The following BRAT1 variants were observed in gnomAD, a reference collection of about 807,000 sequenced individuals.
BRAT1 encodes BRCA1 associated ATM activator 1.
Under a neutral mutation model 70.6 loss-of-function variants are expected in BRAT1, and 74 were observed. The ratio of observed to expected loss-of-function variants is 1.05; its 90% confidence interval spans 0.87 to 1.27. The LOEUF is 1.27. BRAT1 is among the 50% of genes most tolerant of loss of function. The pLI is 0.00. For missense variants in BRAT1, 1,203 were observed against 1,098.2 expected (o/e 1.10, Z -1.35); for synonymous variants, 615 against 517.1 (o/e 1.19, Z -2.57).
intron 2 of BRAT1, 116 bp from the exon 3 acceptor site, chr7:2,547,594 G>C (rs1357006506): frequency 8.8e-7 from 1 of 1,139,818 alleles, no homozygotes; most frequent in African/African-American, 1.6e-5. Flanking sequence ...GTTAGATTTA[G>C]GGATCCAACT....
rs1400083579 is a variant in BRAT1, at chr7:2,540,795, C to A, written c.1395+184G>T. 15 of 560,904 alleles carry A rather than the reference C, an allele frequency of 2.7e-5. No homozygotes were observed. In the Admixed American group the frequency reaches 6.3e-4, roughly 23 times the overall value. 34.7% of individuals were successfully genotyped at this position (560,904 alleles called of 1,614,324 possible). A position where few individuals can be genotyped will look rare whatever the true frequency, so the allele number is the denominator to read the frequency against. On this transcript the variant is annotated intron_variant, in intron 10 of 13. Coordinates refer to ENST00000340611, the MANE Select transcript of BRAT1 (RefSeq NM_152743.4). ...CCCCTGCGTGCTGATGTATCTTCAC[C>A]AACAAGAGGCCCTGGGCCCGCCCCA... is the stretch of plus-strand genomic sequence containing the variant.
chr7:2,539,920 G>C lies in BRAT1; in HGVS notation c.1396-32C>G, dbSNP rs565153096. ...CAGATAGGGTGGGCTGCAGGGCCAC[G>C]GGAGACGGAGGGGCAGGCTGTCTGT... On this transcript the variant is annotated intron_variant, in intron 10 of 13. Transcript: ENST00000340611. The C allele has an allele frequency of 9.2e-6, 13 of 1,411,434 alleles. No individual in the cohort carries two copies. In the East Asian group the frequency reaches 3.0e-4, roughly 33 times the overall value. The allele number at this position is 1,411,434 out of a possible 1,614,324, so 87.4% of individuals were successfully genotyped here. A position where few individuals can be genotyped will look rare whatever the true frequency, so the allele number is the denominator to read the frequency against.
chr7:2,545,283 G>C (rs574708924), intron 3 of BRAT1, among the ~76,000 whole-genome samples: 57 of 144,078 alleles, frequency 4.0e-4, no homozygotes, highest in African/African-American at 1.4e-3. Flanking sequence ...AGAATTGCTT[G>C]AACCCGGGAG....
At position 2,539,171 on chromosome 7, in the gene BRAT1, C is replaced by A; in HGVS notation, c.1770+8G>T. ...GAGTTGCTGGCTGAGGAACCTGCCA[C>A]CTCCTACCTGCCGGGCCTCTGCATG... On this transcript the variant is annotated splice_region_variant and intron_variant, in intron 13 of 13. Coordinates refer to ENST00000340611, the MANE Select transcript of BRAT1 (RefSeq NM_152743.4). The A allele has an allele frequency of 6.3e-7, 1 of 1,589,818 alleles. No homozygotes were observed.
In BRAT1 at chr7:2,541,356, G is replaced by T; in HGVS notation, c.1263C>A (p.Gly421=). The change falls in exon 9 of 14, where the codon GGC becomes GGA. Residue 421 remains glycine (G), a synonymous_variant. Transcript: ENST00000340611. ...GGGCTGCTCGCTGGACCCGGACGCA[G>T]CCCGCCAGGGTCCCACAGAGGTGGC... The part of the protein sequence containing the change: ...VGGHLCGTLA[G]CVRVQRAALD... The T allele has an allele frequency of 1.2e-6, 2 of 1,606,182 alleles. No homozygotes were observed. The highest frequency in any genetic ancestry group is 1.7e-4 in the Middle Eastern group (1 of 6,050).
intron 2 of BRAT1, among the ~76,000 whole-genome samples, chr7:2,548,561 G>A (rs779934979): frequency 2.4e-4 from 36 of 152,040 alleles, no homozygotes; most frequent in Non-Finnish European, 4.0e-4. Flanking sequence ...AGCTACTCAG[G>A]AGGCTGAGAC....
chr7:2,552,200 C>T (rs200322106), intron 2 of BRAT1, among the ~76,000 whole-genome samples: 1 of 140,412 alleles, frequency 7.1e-6, no homozygotes, highest in South Asian at 2.3e-4. Context: ...TCACTGCAAC[C>T]TCTGCCTCCC....
chr7:2,554,572 G>A (rs959139406), intron 1 of BRAT1, 125 bp from the exon 2 acceptor site: 29 of 1,175,776 alleles, frequency 2.5e-5, no homozygotes, highest in Non-Finnish European at 3.2e-5. Flanking sequence ...CTCAGACCAG[G>A]AGAACCATGA....
intron 9 of BRAT1, 31 bp downstream of exon 9, chr7:2,541,267 C>A (rs200112406): frequency 6.5e-7 from 1 of 1,538,778 alleles, no homozygotes; most frequent in Non-Finnish European, 8.7e-7. Flanking sequence ...CAGGGATAGC[C>A]CCACGCCAAA....
chr7:2,546,602 G>A (rs1779625031), intron 3 of BRAT1, among the ~76,000 whole-genome samples: 1 of 152,016 alleles, frequency 6.6e-6, no homozygotes, highest in Admixed American at 6.6e-5. Context: ...GGGCGTGGTG[G>A]CAGGTGCCTG....
chr7:2,549,919 T>C (rs1480495615), intron 2 of BRAT1, among the ~76,000 whole-genome samples: 2 of 152,138 alleles, frequency 1.3e-5, no homozygotes, highest in East Asian at 1.9e-4. Flanking sequence ...AGACACAACA[T>C]TCCTACATCT....
In BRAT1 at chr7:2,539,869, TG is replaced by T; in HGVS notation, c.1414del (p.Gln472ArgfsTer8). 1 of 1,580,298 alleles carries T rather than the reference TG, an allele frequency of 6.3e-7. No individual in the cohort carries two copies. The highest frequency in any genetic ancestry group is 8.6e-7 in the Non-Finnish European group (1 of 1,165,790). The stretch of plus-strand genomic sequence containing the variant: ...GCTCAGGAGCCACCTGAGCGTGGCC[TG>T]GAAGGCCTTCTTCAGAACCTGGAGC... ...SSPTVLKKAFQATLRWLLSSP... is the reference protein window; with the variant it reads ...SSPTVLKKAFXATLRWLLSSP... On this transcript the variant is annotated frameshift_variant, in exon 11 of 14. Coordinates refer to ENST00000340611, the MANE Select transcript of BRAT1 (RefSeq NM_152743.4). LOFTEE classifies it high-confidence loss of function.
At position 2,542,409 on chromosome 7, in the gene BRAT1, C is replaced by A. The variant is rs930589620; in HGVS notation, c.924-198G>T. The A allele has an allele frequency of 1.2e-5, 7 of 602,074 alleles. No individual in the cohort carries two copies. In the South Asian group the frequency reaches 1.4e-4, roughly 12 times the overall value. 37.3% of individuals were successfully genotyped at this position (602,074 alleles called of 1,614,324 possible). A position where few individuals can be genotyped will look rare whatever the true frequency, so the allele number is the denominator to read the frequency against. On this transcript the variant is annotated intron_variant, in intron 6 of 13. Transcript: ENST00000340611. The stretch of plus-strand genomic sequence containing the variant: ...GGACAGGCCTGACCAAGGAGATGGG[C>A]CTGACACTCCTGATGTCCTTAGGAG...
At chr7:2,545,633 G>A (rs946876424) in intron 3 of BRAT1, among the ~76,000 whole-genome samples, 2 of 151,764 alleles carry the variant, frequency 1.3e-5, no homozygotes, top group Non-Finnish European at 2.9e-5. Context: ...GGCATTACAG[G>A]TGCCCACCAC....
Position 2,541,030 on chromosome 7 carries a change from CT to C in BRAT1, c.1343del (p.Gln448ArgfsTer20), listed in dbSNP as rs1163145193. On this transcript the variant is annotated frameshift_variant, in exon 10 of 14. Coordinates refer to ENST00000340611, the MANE Select transcript of BRAT1 (RefSeq NM_152743.4). LOFTEE classifies it high-confidence loss of function. Reference sequence around the variant, plus strand: ...GGCACTCCAGGAGGACAGCAAGCGCCTGCGTCACCAGCTCCTGGGGGCCTGA... The same window carrying C: ...GGCACTCCAGGAGGACAGCAAGCGCCGCGTCACCAGCTCCTGGGGGCCTGA... ...QGTGPQELVTQALAVLLECLE... is the reference protein window; with the variant it reads ...QGTGPQELVTXALAVLLECLE... The C allele has an allele frequency of 6.4e-7, 1 of 1,572,810 alleles. No individual in the cohort carries two copies. Among genetic ancestry groups the C allele is most frequent in the African/African-American group, 1.4e-5 (1 of 72,050 alleles).
intron 2 of BRAT1, among the ~76,000 whole-genome samples, chr7:2,548,342 G>A (rs909651957): frequency 6.6e-6 from 1 of 152,086 alleles, no homozygotes; most frequent in Non-Finnish European, 1.5e-5. Context: ...TCAGTAAGGA[G>A]AGTGAGGAGC....
rs1371555110 is a variant in BRAT1, at chr7:2,553,339, T to C, written c.127+966A>G. ...AGTCACCGCGCCTGACCTATGACAC[T>C]ACTTAAAATGATGAAAAATGAGAAA... is the stretch of plus-strand genomic sequence containing the variant. On this transcript the variant is annotated intron_variant, in intron 2 of 13. Coordinates refer to ENST00000340611, the MANE Select transcript of BRAT1 (RefSeq NM_152743.4). 2.6e-5 allele frequency among the ~76,000 whole-genome samples: 4 copies of C among 152,176 alleles called. No homozygotes were observed. The East Asian group carries it at 7.7e-4, about 29-fold the overall frequency.
At chr7:2,539,422 T>A (rs1051184888) in intron 12 of BRAT1, 71 bp from the exon 13 acceptor site, 6 of 1,534,158 alleles carry the variant, frequency 3.9e-6, no homozygotes, top group Admixed American at 3.9e-5. Context: ...TCTGCCTCCA[T>A]CCCCTTGTGG....
rs1778819980 is a variant in BRAT1 at position 2,538,103 on chromosome 7, C to G, written c.2432G>C (p.Gly811Ala). Residue 811 changes from glycine to alanine, a missense_variant, in exon 14 of 14, where the codon GGC becomes GCC. Gly to Ala is a moderately conservative substitution (Grantham distance 60). Coordinates refer to ENST00000340611, the MANE Select transcript of BRAT1 (RefSeq NM_152743.4). ...SLLQDMLATG[G>A]FLQGDEADCY ...GTCGGCCTCGTCCCCCTGCAGGAAGCCTCCCGTGGCCAGCATGTCCTGCAG... is the reference window on the plus strand; with the variant it reads ...GTCGGCCTCGTCCCCCTGCAGGAAGGCTCCCGTGGCCAGCATGTCCTGCAG... 1 of 1,586,126 alleles carries G rather than the reference C, an allele frequency of 6.3e-7. No homozygotes were observed. The highest frequency in any genetic ancestry group is 8.6e-7 in the Non-Finnish European group (1 of 1,161,362).
Sources: gnomAD v4.1 joint callset for allele counts (sites outside exome capture counted in the v4.1 genomes callset) on GRCh38, gnomAD v4.1.1 for gene constraint, MANE v1.5 for transcripts, NCBI Gene and HGNC (gene_info 2026-07-23, HGNC 2026-07-21) for gene names.